MPRIP: variants seen among roughly 807,000 people sequenced by gnomAD.
The protein encoded by MPRIP is myosin phosphatase Rho interacting protein, also known as myosin phosphatase Rho-interacting protein.
MPRIP carries 59 observed loss-of-function variants against 234.9 expected under a neutral mutation model. The observed-to-expected ratio is 0.25, with a 90% CI of 0.20 to 0.31. The LOEUF (loss-of-function observed/expected upper bound fraction) is 0.31, where lower values mean the gene tolerates loss of function less well. Among genes scored for constraint, MPRIP ranks in the 10% least tolerant of loss-of-function variants. The probability of loss-of-function intolerance (pLI) is 1.00; values close to 1 mark genes in which losing one functional copy is unlikely to be tolerated. For missense variants in MPRIP, 2,436 were observed against 3,071.0 expected, an observed-to-expected ratio of 0.79 and a Z score of 4.89; for synonymous variants, 1,144 against 1,263.9, an observed-to-expected ratio of 0.91 and a Z score of 2.01.
At chr17:17,075,649 G>T in intron 1 of MPRIP, 61 bp from the exon 2 acceptor site, 1 of 1,426,800 alleles carries the variant, frequency 7.0e-7, no homozygotes. Context: ...CTGTTAACTT[G>T]ACCTGTTCTC....
intron 3 of MPRIP, among the ~76,000 whole-genome samples, chr17:17,098,474 A>G (rs2089895435): frequency 6.6e-6 from 1 of 152,166 alleles, no homozygotes; most frequent in South Asian, 2.1e-4. Flanking sequence ...CTCTCTTGAC[A>G]GGATTAGAAC....
At chr17:17,102,705 C>G (rs1047374364) in intron 3 of MPRIP, among the ~76,000 whole-genome samples, 1 of 152,144 alleles carries the variant, frequency 6.6e-6, no homozygotes, top group African/African-American at 2.4e-5. Context: ...ACTCTGTGGC[C>G]CAGGTGGCAT....
intron 3 of MPRIP, among the ~76,000 whole-genome samples, chr17:17,096,196 C>G (rs1275437487): frequency 6.6e-6 from 1 of 152,106 alleles, no homozygotes; most frequent in Non-Finnish European, 1.5e-5. Flanking sequence ...CCACTGTTCC[C>G]TGTCCTTTCC....
chr17:17,080,906 C>T (rs760598999), intron 3 of MPRIP, among the ~76,000 whole-genome samples: 6 of 152,238 alleles, frequency 3.9e-5, no homozygotes, highest in East Asian at 1.9e-4. Flanking sequence ...GAGAGGTCTA[C>T]GGGGTTCCCC....
intron 3 of MPRIP, among the ~76,000 whole-genome samples, chr17:17,091,518 T>A (rs1432845281): frequency 1.3e-5 from 2 of 152,102 alleles, no homozygotes; most frequent in African/African-American, 4.8e-5. Context: ...CAGCAGATGC[T>A]CTCGTGCGTA....
intron 3 of MPRIP, among the ~76,000 whole-genome samples, chr17:17,084,510 G>A (rs1298238860): frequency 6.6e-6 from 1 of 152,244 alleles, no homozygotes; most frequent in Non-Finnish European, 1.5e-5. Flanking sequence ...GAGGCCCAGA[G>A]AGATTGCGAG....
Position 17,167,486 on chromosome 17 carries a change from A to C in MPRIP, c.5895A>C (p.Thr1965=). 1 of 1,304,222 alleles carries C rather than the reference A, an allele frequency of 7.7e-7. No individual in the cohort carries two copies. The highest frequency in any genetic ancestry group is 1.0e-6 in the Non-Finnish European group (1 of 988,964). 80.8% of individuals were successfully genotyped at this position (1,304,222 alleles called of 1,614,324 possible). Residue 1965 remains threonine, a synonymous_variant, in exon 16 of 24, where the codon ACA becomes ACC. Transcript: ENST00000651222. This position sits in a 1 kb window ranked among gnomAD's most constrained non-coding sequence, Gnocchi z 5.9. ...VVEQLTRTES[T]LQAERSRVLS... is the part of the protein sequence containing the mutation. ...AGCAGCTGACCAGGACCGAGAGCAC[A>C]CTGCAGGCTGAGCGCAGCCGGGTCC...
intron 1 of MPRIP, among the ~76,000 whole-genome samples, chr17:17,053,456 T>C (rs1723311779): frequency 6.6e-6 from 1 of 152,118 alleles, no homozygotes; most frequent in Non-Finnish European, 1.5e-5. Flanking sequence ...TGGTGGGTGC[T>C]TAGTAAATGG....
At chr17:17,127,757 A>G (rs2090520811) in intron 4 of MPRIP, among the ~76,000 whole-genome samples, 1 of 152,252 alleles carries the variant, frequency 6.6e-6, no homozygotes, top group South Asian at 2.1e-4. Context: ...AGAGGGAATC[A>G]GGAATACGAA....
At chr17:17,108,468 T>C (rs142300221) in intron 3 of MPRIP, among the ~76,000 whole-genome samples, 61 of 152,372 alleles carry the variant, frequency 4.0e-4, no homozygotes, top group African/African-American at 1.4e-3. Flanking sequence ...TAAGAATTCC[T>C]ATGCCTCAGC....
At chr17:17,121,714 A>G (rs1184404633) in intron 3 of MPRIP, among the ~76,000 whole-genome samples, 1 of 152,086 alleles carries the variant, frequency 6.6e-6, no homozygotes, top group African/African-American at 2.4e-5. Context: ...TCACATAGGT[A>G]AAGTTGTGTC....
Position 17,167,499 on chromosome 17 carries a change from C to T in MPRIP, c.5908C>T (p.Arg1970Cys), listed in dbSNP as rs138734388. The change falls in exon 16 of 24, where the codon CGC (arginine) becomes TGC (cysteine). Residue 1970 changes from arginine to cysteine, a missense_variant. Arg to Cys is a radical substitution (Grantham distance 180). Transcript: ENST00000651222. This position sits in a 1 kb window ranked among gnomAD's most constrained non-coding sequence, Gnocchi z 5.9. ...TRTESTLQAERSRVLSQLDAS... is the reference protein window; with the variant it reads ...TRTESTLQAECSRVLSQLDAS... ...GACCGAGAGCACACTGCAGGCTGAG[C>T]GCAGCCGGGTCCTGAGCCAGCTGGA... 5.2e-4 allele frequency: 680 copies of T among 1,304,146 alleles called. 1 individual carries two copies. In the African/African-American group the frequency reaches 5.9e-3, roughly 11 times the overall value. The allele number at this position is 1,304,146 out of a possible 1,614,324, so 80.8% of individuals were successfully genotyped here. A position where few individuals can be genotyped will look rare whatever the true frequency, so the allele number is the denominator to read the frequency against.
rs1249549537 is a variant in MPRIP, at chr17:17,078,430, C to T, written c.267+354C>T. On this transcript the variant is annotated intron_variant, in intron 3 of 23. Coordinates refer to ENST00000651222, the MANE Select transcript of MPRIP (RefSeq NM_001364716.4). This position sits in a 1 kb window ranked among gnomAD's most constrained non-coding sequence, Gnocchi z 4.3. ...AGGCTGTGGACCTGTGGGCGTGGGG[C>T]AGGGGCTGGCCCTGGGGCTGGCACA... 6.6e-6 allele frequency among the ~76,000 whole-genome samples: 1 copy of T among 152,216 alleles called. No homozygotes were observed. Among genetic ancestry groups the T allele is most frequent in the Non-Finnish European group, 1.5e-5 (1 of 68,036 alleles).
chr17:17,166,904 C>A lies in MPRIP; in HGVS notation c.5313C>A (p.Ser1771Arg). 1 of 1,304,158 alleles carries A rather than the reference C, an allele frequency of 7.7e-7. No individual in the cohort carries two copies. Among genetic ancestry groups the A allele is most frequent in the Non-Finnish European group, 1.0e-6 (1 of 988,936 alleles). 80.8% of individuals were successfully genotyped at this position (1,304,158 alleles called of 1,614,324 possible). A position where few individuals can be genotyped will look rare whatever the true frequency, so the allele number is the denominator to read the frequency against. Residue 1771 changes from serine (S) to arginine (R), a missense_variant, in exon 16 of 24, where the codon AGC becomes AGA. Physicochemically the swap from Ser to Arg is moderately radical, Grantham distance 110. Around this residue, in one of 4 missense-constraint regions of MPRIP, gnomAD observed 1,998 missense variants for 2,520.3 expected, o/e 0.79. Transcript: ENST00000651222. This position sits in a 1 kb window ranked among gnomAD's most constrained non-coding sequence, Gnocchi z 4.4. ...AGCCCTTCGATGTGTCTGACCAGAGCCCTGGGGCCTTTGTTGCTATTCAGG... is the reference window on the plus strand; with the variant it reads ...AGCCCTTCGATGTGTCTGACCAGAGACCTGGGGCCTTTGTTGCTATTCAGG... ...SQEPFDVSDQ[S>R]PGAFVAIQEE...
chr17:17,190,376 A>C lies in MPRIP; in HGVS notation c.*5482A>C, dbSNP rs1484188732. The C allele has an allele frequency of 6.6e-6, 1 of 152,210 alleles. No homozygotes were observed. Among genetic ancestry groups the C allele is most frequent in the Non-Finnish European group, 1.5e-5 (1 of 68,046 alleles). 9.4% of individuals were successfully genotyped at this position (152,210 alleles called of 1,614,324 possible). A position where few individuals can be genotyped will look rare whatever the true frequency, so the allele number is the denominator to read the frequency against. ...GGGGCTCTTCGTTTTACCTTTGTACAGTTCTTGTGTTTACACATTTGGGCC... is the reference window on the plus strand; with the variant it reads ...GGGGCTCTTCGTTTTACCTTTGTACCGTTCTTGTGTTTACACATTTGGGCC... On this transcript the variant is annotated 3_prime_UTR_variant, in exon 24 of 24. Transcript: ENST00000651222.
At chr17:17,116,707 G>C (rs1179511160) in intron 3 of MPRIP, among the ~76,000 whole-genome samples, 1 of 152,226 alleles carries the variant, frequency 6.6e-6, no homozygotes, top group Admixed American at 6.5e-5. Flanking sequence ...AGTGGGAAAG[G>C]GCCTGCCCCG....
chr17:17,065,755 G>A (rs926246451), intron 1 of MPRIP, among the ~76,000 whole-genome samples: 1 of 152,164 alleles, frequency 6.6e-6, no homozygotes, highest in African/African-American at 2.4e-5. Context: ...TCAGTTGGGT[G>A]AGAATAGACA....
At chr17:17,176,248 C>G (rs2046250588) in intron 20 of MPRIP, among the ~76,000 whole-genome samples, 178 bp from the exon 21 acceptor site, 1 of 152,124 alleles carries the variant, frequency 6.6e-6, no homozygotes, top group East Asian at 1.9e-4. Context: ...CTTCCTGTTT[C>G]TGTATGTGAG....
chr17:17,110,113 A>G (rs2090141384), intron 3 of MPRIP, among the ~76,000 whole-genome samples: 1 of 152,008 alleles, frequency 6.6e-6, no homozygotes, highest in South Asian at 2.1e-4. Flanking sequence ...TTGCTCTGTT[A>G]GTTTCCTGGA....
Sources: gnomAD v4.1 joint callset for allele counts (sites outside exome capture counted in the v4.1 genomes callset) on GRCh38, gnomAD v4.1.1 for gene constraint, gnomAD v4.1.1 regional missense constraint, Gnocchi (gnomAD v3.1) non-coding constraint, MANE v1.5 for transcripts, NCBI Gene and HGNC (gene_info 2026-07-23, HGNC 2026-07-21) for gene names.